Variants in TUBB4A observed in about 807,000 individuals in gnomAD.
The protein encoded by TUBB4A is tubulin beta-4A chain.
A neutral mutation model predicts 35.1 loss-of-function variants in TUBB4A; 13 were observed. The observed-to-expected ratio is 0.37, with a 90% CI of 0.24 to 0.59. TUBB4A has a LOEUF of 0.59. Among genes scored for constraint, TUBB4A ranks in the 20% least tolerant of loss-of-function variants. The pLI is 0.71. For synonymous variants in TUBB4A, 279 were observed against 272.4 expected (o/e 1.02, Z -0.24); for missense variants, 299 against 647.2 (o/e 0.46, Z 5.84).
chr19:6,496,978 T>G (rs1434315928), intron 3 of TUBB4A, among the ~76,000 whole-genome samples: 1 of 101,410 alleles, frequency 9.9e-6, no homozygotes, highest in African/African-American at 3.9e-5. Context: ...GGCAACCTAG[T>G]GAGGCCATGT....
chr19:6,498,225 T>A lies in TUBB4A; in HGVS notation c.278-2004A>T, dbSNP rs868149031. Among the ~76,000 whole-genome samples, 913 of 126,116 alleles carry A rather than the reference T, an allele frequency of 7.2e-3. 5 individuals carry two copies. Among genetic ancestry groups the A allele is most frequent in the African/African-American group, 0.026 (861 of 33,578 alleles). 82.7% of individuals were successfully genotyped at this position (126,116 alleles called of 152,430 possible). A position where few individuals can be genotyped will look rare whatever the true frequency, so the allele number is the denominator to read the frequency against. ...GACTTTGTCTCAAAAAAAAAAAAAA[T>A]GGAATAAAAAAAAGAATATTGGCCG... On this transcript the variant is annotated intron_variant, in intron 3 of 3. Transcript: ENST00000264071.
Position 6,496,034 on chromosome 19 carries a change from G to GACTC in TUBB4A, c.464_465insGAGT (p.Ile155MetfsTer45), listed in dbSNP as rs1160028307. On this transcript the variant is annotated frameshift_variant, in exon 4 of 4. Coordinates refer to ENST00000264071, the MANE Select transcript of TUBB4A (RefSeq NM_006087.4). LOFTEE classifies it high-confidence loss of function. Reference sequence around the variant, plus strand: ...TGATGCGGTCTGGGAACTCCTCGCGGATCTTACTGATGAGCAGCGTGCCCA... The same window carrying GACTC: ...TGATGCGGTCTGGGAACTCCTCGCGGACTCATCTTACTGATGAGCAGCGTGCCCA... 5.0e-6 allele frequency: 8 copies of GACTC among 1,614,094 alleles called. No individual in the cohort carries two copies. Among genetic ancestry groups the GACTC allele is most frequent in the Non-Finnish European group, 6.8e-6 (8 of 1,180,050 alleles).
At chr19:6,499,052 C>T (rs763269247) in intron 3 of TUBB4A, among the ~76,000 whole-genome samples, 19 of 152,206 alleles carry the variant, frequency 1.2e-4, no homozygotes, top group South Asian at 2.1e-4. Flanking sequence ...AGACCAGGCG[C>T]GGTTGCTCAT....
Position 6,496,070 on chromosome 19 carries a change from C to T in TUBB4A, c.429G>A (p.Thr143=), listed in dbSNP as rs374559176. The T allele has an allele frequency of 2.0e-5, 32 of 1,614,084 alleles. No homozygotes were observed. The highest frequency in any genetic ancestry group is 1.6e-4 in the Middle Eastern group (1 of 6,084). The change falls in exon 4 of 4, where the codon ACG becomes ACA. Residue 143 remains threonine (T), a synonymous_variant. Transcript: ENST00000264071. ...TGAGCAGCGTGCCCATTCCGGACCC[C>T]GTGCCACCCCCCAGCGAGTGGGTCA... is the stretch of plus-strand genomic sequence containing the variant. ...FQLTHSLGGG[T]GSGMGTLLIS...
In TUBB4A at chr19:6,501,658, G is replaced by C; in HGVS notation, c.58-35C>G. On this transcript the variant is annotated intron_variant, in intron 1 of 3. Transcript: ENST00000264071. This position sits in a 1 kb window ranked among gnomAD's most constrained non-coding sequence, Gnocchi z 4.2. Reference sequence around the variant, plus strand: ...GAGGTGGTCGGAAGAGTTGAGAGAGGGGAAGCCGGTGGCCAAGCCGAGGAC... The same window carrying C: ...GAGGTGGTCGGAAGAGTTGAGAGAGCGGAAGCCGGTGGCCAAGCCGAGGAC... The C allele has an allele frequency of 6.3e-7, 1 of 1,586,708 alleles. No individual in the cohort carries two copies. The highest frequency in any genetic ancestry group is 1.3e-5 in the African/African-American group (1 of 74,444).
rs376283715 is a variant in TUBB4A at position 6,502,144 on chromosome 19, T to C, written c.57+12A>G. 289 of 1,562,592 alleles carry C rather than the reference T, an allele frequency of 1.8e-4. 2 individuals carry two copies. The African/African-American group carries it at 3.7e-3, about 20-fold the overall frequency. ...GCCGCCACTGCCTCCCCGGGCCCCG[T>C]TCCCCGAGCACCTTGGCCCCGATCT... On this transcript the variant is annotated intron_variant, in intron 1 of 3. Transcript: ENST00000264071.
chr19:6,497,585 T>C (rs1422947256), intron 3 of TUBB4A, among the ~76,000 whole-genome samples: 1 of 151,936 alleles, frequency 6.6e-6, no homozygotes, highest in Non-Finnish European at 1.5e-5. Context: ...TTGTTAATCA[T>C]GTTTATTGTC....
Position 6,502,190 on chromosome 19 carries a change from T to C in TUBB4A, c.23A>G (p.Gln8Arg). ...GATCTGGTTGCCGCACTGGCCGGCC[T>C]GCAGGTGCACGATCTCCCGCATGGC... MREIVHL[Q>R]AGQCGNQIGA... is the part of the protein sequence containing the mutation. The change falls in exon 1 of 4, where the codon CAG becomes CGG. Residue 8 changes from glutamine to arginine, a missense_variant. This residue lies in a region of TUBB4A where 123 missense variants were observed against 226.0 expected (regional missense o/e 0.54). Transcript: ENST00000264071. The C allele has an allele frequency of 1.3e-6, 2 of 1,574,076 alleles. No homozygotes were observed. The highest frequency in any genetic ancestry group is 1.4e-5 in the African/African-American group (1 of 71,790).
In TUBB4A at chr19:6,495,136, G is replaced by T; in HGVS notation, c.*28C>A. 2 of 1,610,470 alleles carry T rather than the reference G, an allele frequency of 1.2e-6. No homozygotes were observed. Among genetic ancestry groups the T allele is most frequent in the Non-Finnish European group, 1.7e-6 (2 of 1,177,444 alleles). ...CGGATCAAAGGTCAGAAGCCTCGAG[G>T]GGACAGGTGGGAAGCGATGGGAGCA... On this transcript the variant is annotated 3_prime_UTR_variant, in exon 4 of 4. Transcript: ENST00000264071. This position sits in a 1 kb window ranked among gnomAD's most constrained non-coding sequence, Gnocchi z 8.7.
intron 3 of TUBB4A, among the ~76,000 whole-genome samples, chr19:6,497,060 TATATAA>T (rs1477998650): frequency 4.0e-5 from 3 of 75,128 alleles, no homozygotes; most frequent in Non-Finnish European, 7.2e-5. Flanking sequence ...TATATATATA[TATATAA>T]ATTAGCCAGT....
rs780447157 is a variant in TUBB4A, at chr19:6,495,831, C to G, written c.668G>C (p.Gly223Ala). 6.2e-7 allele frequency: 1 copy of G among 1,614,176 alleles called. No individual in the cohort carries two copies. The highest frequency in any genetic ancestry group is 1.1e-5 in the South Asian group (1 of 91,076). The change falls in exon 4 of 4, where the codon GGG becomes GCG. Residue 223 changes from glycine to alanine, a missense_variant. Gly to Ala is a moderately conservative substitution (Grantham distance 60). Around this residue, in one of 5 missense-constraint regions of TUBB4A, gnomAD observed 51 missense variants for 100.3 expected, o/e 0.51. Coordinates refer to ENST00000264071, the MANE Select transcript of TUBB4A (RefSeq NM_006087.4). This position sits in a 1 kb window ranked among gnomAD's most constrained non-coding sequence, Gnocchi z 8.7. The part of the protein sequence containing the change: ...RTLKLTTPTY[G>A]DLNHLVSATM... The stretch of plus-strand genomic sequence containing the variant: ...GGCCGACACCAGGTGGTTGAGGTCC[C>G]CGTAGGTGGGGGTGGTCAGCTTGAG...
intron 3 of TUBB4A, among the ~76,000 whole-genome samples, chr19:6,500,046 C>T (rs914397116): frequency 6.6e-6 from 1 of 152,112 alleles, no homozygotes; most frequent in African/African-American, 2.4e-5. Flanking sequence ...CCGCCTCGGC[C>T]TCCCAAAGTG....
At position 6,495,269 on chromosome 19, in the gene TUBB4A, C is replaced by T; in HGVS notation, c.1230G>A (p.Glu410=). ...CCAGGTCATTCATGTTGCTCTCGGC[C>T]TCGGTGAACTCCATCTCGTCCATGC... ...GEGMDEMEFT[E]AESNMNDLVS... Residue 410 remains glutamate, a synonymous_variant, in exon 4 of 4, where the codon GAG becomes GAA. Coordinates refer to ENST00000264071, the MANE Select transcript of TUBB4A (RefSeq NM_006087.4). The surrounding 1 kb of genome is among the most constrained non-coding windows in gnomAD (Gnocchi z 8.7). The T allele has an allele frequency of 6.2e-7, 1 of 1,613,852 alleles. No individual in the cohort carries two copies. Among genetic ancestry groups the T allele is most frequent in the Non-Finnish European group, 8.5e-7 (1 of 1,179,886 alleles).
Position 6,495,534 on chromosome 19 carries a change from G to A in TUBB4A, c.965C>T (p.Ser322Phe). The A allele has an allele frequency of 6.2e-7, 1 of 1,614,140 alleles. No individual in the cohort carries two copies. The highest frequency in any genetic ancestry group is 8.5e-7 in the Non-Finnish European group (1 of 1,180,010). ...TVAAVFRGRM[S>F]MKEVDEQMLS... The stretch of plus-strand genomic sequence containing the variant: ...CATCTGCTCGTCCACCTCCTTCATG[G>A]ACATGCGGCCCCGGAACACGGCGGC... The change falls in exon 4 of 4, where the codon TCC becomes TTC. Residue 322 changes from serine (S) to phenylalanine (F), a missense_variant. Physicochemically the swap from Ser to Phe is radical, Grantham distance 155. Around this residue, in one of 5 missense-constraint regions of TUBB4A, gnomAD observed 125 missense variants for 279.1 expected, o/e 0.45. Coordinates refer to ENST00000264071, the MANE Select transcript of TUBB4A (RefSeq NM_006087.4). The surrounding 1 kb of genome is among the most constrained non-coding windows in gnomAD (Gnocchi z 8.7).
chr19:6,501,706 C>T lies in TUBB4A; in HGVS notation c.58-83G>A. 1.8e-6 allele frequency: 2 copies of T among 1,117,596 alleles called. No individual in the cohort carries two copies. The highest frequency in any genetic ancestry group is 1.5e-5 in the African/African-American group (1 of 64,902). 69.2% of individuals were successfully genotyped at this position (1,117,596 alleles called of 1,614,324 possible). Reference sequence around the variant, plus strand: ...GACTGCCCCCAGCCCCCAACTAGCTCCCTAGCTGCCACCTCTCCCCCAGCA... The same window carrying T: ...GACTGCCCCCAGCCCCCAACTAGCTTCCTAGCTGCCACCTCTCCCCCAGCA... On this transcript the variant is annotated intron_variant, in intron 1 of 3. Coordinates refer to ENST00000264071, the MANE Select transcript of TUBB4A (RefSeq NM_006087.4). This position sits in a 1 kb window ranked among gnomAD's most constrained non-coding sequence, Gnocchi z 4.2.
At position 6,495,929 on chromosome 19, in the gene TUBB4A, G is replaced by A; in HGVS notation, c.570C>T (p.His190=). The part of the protein sequence containing the change: ...VEPYNATLSV[H]QLVENTDETY... ...TCTCATCCGTATTCTCCACCAGCTG[G>A]TGCACAGACAGCGTGGCGTTGTAGG... Residue 190 remains histidine, a synonymous_variant, in exon 4 of 4, where the codon CAC becomes CAT. Coordinates refer to ENST00000264071, the MANE Select transcript of TUBB4A (RefSeq NM_006087.4). This position sits in a 1 kb window ranked among gnomAD's most constrained non-coding sequence, Gnocchi z 8.7. 6.2e-7 allele frequency: 1 copy of A among 1,614,232 alleles called. No individual in the cohort carries two copies. The highest frequency in any genetic ancestry group is 8.5e-7 in the Non-Finnish European group (1 of 1,180,046).
chr19:6,495,613 C>T lies in TUBB4A; in HGVS notation c.886G>A (p.Ala296Thr). Residue 296 changes from alanine to threonine, a missense_variant, in exon 4 of 4, where the codon GCC (alanine) becomes ACC (threonine). By Grantham distance (58) the Ala-to-Thr change is moderately conservative (BLOSUM62 0). Transcript: ENST00000264071. The surrounding 1 kb of genome is among the most constrained non-coding windows in gnomAD (Gnocchi z 8.7). ...TCGCACGCCGCCATCATGTTCTTGG[C>T]ATCGAACATCTGCTGGGTGAGCTCG... Reference protein sequence around the residue: ...VPELTQQMFDAKNMMAACDPR... With the variant: ...VPELTQQMFDTKNMMAACDPR... 1 of 1,614,034 alleles carries T rather than the reference C, an allele frequency of 6.2e-7. No individual in the cohort carries two copies. Among genetic ancestry groups the T allele is most frequent in the East Asian group, 2.2e-5 (1 of 44,880 alleles).
At position 6,495,947 on chromosome 19, in the gene TUBB4A, G is replaced by A. The variant is rs1053263; in HGVS notation, c.552C>T (p.Asn184=). Residue 184 remains asparagine, a synonymous_variant, in exon 4 of 4, where the codon AAC becomes AAT. Transcript: ENST00000264071. This position sits in a 1 kb window ranked among gnomAD's most constrained non-coding sequence, Gnocchi z 8.7. ...CCAGCTGGTGCACAGACAGCGTGGCGTTGTAGGGCTCCACCACCGTGTCTG... is the reference window on the plus strand; with the variant it reads ...CCAGCTGGTGCACAGACAGCGTGGCATTGTAGGGCTCCACCACCGTGTCTG... ...KVSDTVVEPY[N]ATLSVHQLVE... 9.9e-6 allele frequency: 16 copies of A among 1,614,090 alleles called. No homozygotes were observed. The highest frequency in any genetic ancestry group is 6.7e-5 in the African/African-American group (5 of 74,922).
Position 6,501,566 on chromosome 19 carries a change from C to G in TUBB4A, c.115G>C (p.Asp39His). 6.2e-7 allele frequency: 1 copy of G among 1,614,180 alleles called. No individual in the cohort carries two copies. Among genetic ancestry groups the G allele is most frequent in the Non-Finnish European group, 8.5e-7 (1 of 1,180,010 alleles). ...GIDPTGTYHG[D>H]SDLQLERINV... The stretch of plus-strand genomic sequence containing the variant: ...ATCCTCTCCAGTTGCAGGTCACTGT[C>G]CCCATGGTATGTGCCTGTGGGGTCG... The change falls in exon 2 of 4, where the codon GAC (aspartate) becomes CAC (histidine). Residue 39 changes from aspartate to histidine, a missense_variant. Around this residue, in one of 5 missense-constraint regions of TUBB4A, gnomAD observed 123 missense variants for 226.0 expected, o/e 0.54. Transcript: ENST00000264071. The surrounding 1 kb of genome is among the most constrained non-coding windows in gnomAD (Gnocchi z 4.2).
Sources: allele counts gnomAD v4.1 joint callset (sites outside exome capture counted in the v4.1 genomes callset), GRCh38; gene constraint gnomAD v4.1.1; regional missense constraint gnomAD v4.1.1; non-coding constraint Gnocchi (gnomAD v3.1); transcripts MANE v1.5; gene names NCBI Gene and HGNC (gene_info 2026-07-23, HGNC 2026-07-21).